USP43: variants seen among roughly 807,000 people sequenced by gnomAD.
USP43 encodes the protein ubiquitin carboxyl-terminal hydrolase 43.
USP43 carries 33 observed loss-of-function variants against 90.7 expected under a neutral mutation model. The ratio of observed to expected loss-of-function variants is 0.36; its 90% CI spans 0.28 to 0.49. USP43 has a LOEUF of 0.49. Ranked by LOEUF, USP43 falls within the 20% of genes least tolerant of loss-of-function variation. The pLI is 0.98. For missense variants in USP43, 1,274 were observed against 1,476.4 expected, an observed-to-expected ratio of 0.86 and a Z score of 2.25; for synonymous variants, 598 against 615.8, an observed-to-expected ratio of 0.97 and a Z score of 0.43.
At chr17:9,655,859 A>C (rs11651465) in intron 1 of USP43, among the ~76,000 whole-genome samples, 14,803 of 152,268 alleles carry the variant, frequency 0.097, 745 homozygotes, top group Middle Eastern at 0.14. Context: ...GCAGTAGAGG[A>C]GCTACATGCA....
At chr17:9,660,953 C>T (rs1912601551) in intron 2 of USP43, among the ~76,000 whole-genome samples, 1 of 152,202 alleles carries the variant, frequency 6.6e-6, no homozygotes, top group Non-Finnish European at 1.5e-5. Context: ...TTGGGATTAT[C>T]CGGCGTGAAA....
chr17:9,700,211 C>T lies in USP43; in HGVS notation c.1497C>T (p.Val499=). ...GGAGGCCAGGAGGCCCTCCACATGTCAAGCTGGCGGTGGAGTGGGATAGCT... is the reference window on the plus strand; with the variant it reads ...GGAGGCCAGGAGGCCCTCCACATGTTAAGCTGGCGGTGGAGTGGGATAGCT... ...HLRRPGGPPH[V]KLAVEWDSSV... is the part of the protein sequence containing the mutation. Residue 499 remains valine, a synonymous_variant, in exon 10 of 15, where the codon GTC becomes GTT. Coordinates refer to ENST00000285199, the MANE Select transcript of USP43 (RefSeq NM_153210.5). The T allele has an allele frequency of 6.2e-7, 1 of 1,606,776 alleles. No individual in the cohort carries two copies. Among genetic ancestry groups the T allele is most frequent in the Non-Finnish European group, 8.5e-7 (1 of 1,176,864 alleles).
intron 2 of USP43, among the ~76,000 whole-genome samples, chr17:9,662,379 G>A (rs1214007592): frequency 1.3e-5 from 2 of 152,128 alleles, no homozygotes; most frequent in South Asian, 2.1e-4. Flanking sequence ...TGGATATTGA[G>A]TCACCTCAAA....
intron 13 of USP43, 84 bp downstream of exon 13, chr17:9,710,198 C>G: frequency 7.5e-7 from 1 of 1,327,122 alleles, no homozygotes; most frequent in South Asian, 2.4e-5. Flanking sequence ...ACATCGAGGA[C>G]CAGGAGAGGT....
chr17:9,724,151 A>T (rs1448687604), intron 14 of USP43, among the ~76,000 whole-genome samples: 3 of 152,076 alleles, frequency 2.0e-5, no homozygotes, highest in African/African-American at 7.2e-5. Flanking sequence ...AGTGATGAAA[A>T]GGGCAGCAGC....
upstream of USP43, chr17:9,645,481 G>A: frequency 4.1e-6 from 3 of 726,686 alleles, no homozygotes; most frequent in Non-Finnish European, 5.4e-6. The surrounding 1 kb of genome is among the most constrained non-coding windows in gnomAD (Gnocchi z 6.8). Context: ...GGGCGGGGCT[G>A]CCCCGCCCTT....
chr17:9,698,408 C>T lies in USP43; in HGVS notation c.1458-1764C>T, dbSNP rs974442013. 2.0e-5 allele frequency among the ~76,000 whole-genome samples: 3 copies of T among 152,158 alleles called. No individual in the cohort carries two copies. In the South Asian group the frequency reaches 6.2e-4, roughly 32 times the overall value. Reference sequence around the variant, plus strand: ...AGTCATTCCTCTGGCCAAGTCCTGCCCCATCTGTCCTCCAGAGCATCCTGG... The same window carrying T: ...AGTCATTCCTCTGGCCAAGTCCTGCTCCATCTGTCCTCCAGAGCATCCTGG... On this transcript the variant is annotated intron_variant, in intron 9 of 14. Coordinates refer to ENST00000285199, the MANE Select transcript of USP43 (RefSeq NM_153210.5).
intron 9 of USP43, among the ~76,000 whole-genome samples, chr17:9,699,593 A>C (rs2151987240): frequency 6.6e-6 from 1 of 152,270 alleles, no homozygotes; most frequent in Admixed American, 6.5e-5. Context: ...CATGTGCTCC[A>C]CTTTGCTCTC....
chr17:9,681,463 TATATATATATATATATA>T (rs1914255935), intron 6 of USP43, among the ~76,000 whole-genome samples: 1 of 19,498 alleles, frequency 5.1e-5, no homozygotes, highest in African/African-American at 6.7e-5. Context: ...TAAAATATAT[TATATATATATATATATA>T]TATATATATA....
At chr17:9,717,634 A>T (rs1422164463) in intron 14 of USP43, among the ~76,000 whole-genome samples, 2 of 151,836 alleles carry the variant, frequency 1.3e-5, no homozygotes, top group Non-Finnish European at 2.9e-5. Context: ...AAGATATACC[A>T]TTAGGTGATC....
chr17:9,665,095 G>T (rs1290638103), intron 2 of USP43, among the ~76,000 whole-genome samples: 1 of 152,128 alleles, frequency 6.6e-6, no homozygotes, highest in African/African-American at 2.4e-5. Context: ...GGTAGGGAAT[G>T]GGCAGGGGGT....
At chr17:9,706,433 G>T (rs552564278) in intron 12 of USP43, among the ~76,000 whole-genome samples, 2 of 151,892 alleles carry the variant, frequency 1.3e-5, no homozygotes, top group African/African-American at 2.4e-5. Flanking sequence ...TTCACTCTAA[G>T]ATTAAAAAGT....
At chr17:9,681,089 ATATATGACATATAC>A (rs1914146571) in intron 6 of USP43, among the ~76,000 whole-genome samples, 1 of 93,124 alleles carries the variant, frequency 1.1e-5, no homozygotes, top group African/African-American at 4.7e-5. Context: ...ATATAATATA[ATATATGACATATAC>A]TATATAATAT....
intron 8 of USP43, among the ~76,000 whole-genome samples, chr17:9,690,954 A>G (rs1174755099): frequency 6.6e-6 from 1 of 152,184 alleles, no homozygotes; most frequent in Non-Finnish European, 1.5e-5. Flanking sequence ...CCTTGTAGCT[A>G]CCATTCTACT....
intron 1 of USP43, among the ~76,000 whole-genome samples, chr17:9,648,872 C>A (rs763479946): frequency 8.8e-5 from 13 of 147,000 alleles, no homozygotes; most frequent in Non-Finnish European, 1.5e-4. Context: ...TCTCTCTTTT[C>A]CTTCCTTCCT....
intron 14 of USP43, among the ~76,000 whole-genome samples, chr17:9,719,092 C>T (rs531154150): frequency 2.6e-5 from 4 of 152,202 alleles, no homozygotes; most frequent in East Asian, 1.9e-4. Context: ...CGCACCATTG[C>T]GCTCCAGCCT....
intron 14 of USP43, among the ~76,000 whole-genome samples, chr17:9,720,576 C>G (rs1237129799): frequency 1.3e-5 from 2 of 151,810 alleles, no homozygotes; most frequent in Admixed American, 1.3e-4. Context: ...GCAACCTCTG[C>G]CTCCCAGGTT....
At position 9,705,778 on chromosome 17, in the gene USP43, C is replaced by CA. The variant is rs59398544; in HGVS notation, c.2011+4088dup. Among the ~76,000 whole-genome samples, 618 of 146,518 alleles carry CA rather than the reference C, an allele frequency of 4.2e-3. 19 individuals carry two copies. The East Asian group carries it at 0.071, about 17-fold the overall frequency. On this transcript the variant is annotated intron_variant, in intron 12 of 14. Coordinates refer to ENST00000285199, the MANE Select transcript of USP43 (RefSeq NM_153210.5). The stretch of plus-strand genomic sequence containing the variant: ...CAAAAAAAAAAAACAACAACAACAG[C>CA]AAAAAAAAAACCCAAAAAACAAAAA...
intron 14 of USP43, among the ~76,000 whole-genome samples, chr17:9,726,264 A>C (rs1201499567): frequency 6.6e-6 from 1 of 151,766 alleles, no homozygotes; most frequent in East Asian, 1.9e-4. Context: ...CTGAGCTCTC[A>C]CCCGTGCACC....
Sources: allele counts gnomAD v4.1 joint callset (sites outside exome capture counted in the v4.1 genomes callset), GRCh38; gene constraint gnomAD v4.1.1; non-coding constraint Gnocchi (gnomAD v3.1); transcripts MANE v1.5; gene names NCBI Gene and HGNC (gene_info 2026-07-23, HGNC 2026-07-21).